The following TRIM9 variants were observed in gnomAD, a reference collection of about 807,000 sequenced individuals.
TRIM9 encodes the protein E3 ubiquitin-protein ligase TRIM9.
In TRIM9, 26 loss-of-function variants were observed where a neutral mutation model predicts 78.3. The ratio of observed to expected loss-of-function variants is 0.33; its 90% CI spans 0.24 to 0.46. The LOEUF is 0.46. TRIM9 is among the 20% of genes least tolerant of loss of function. The pLI, the probability that TRIM9 is intolerant of heterozygous loss-of-function variation, is 1.00. For missense variants in TRIM9, 787 were observed against 1,036.4 expected (o/e 0.76, Z 3.30); for synonymous variants, 398 against 416.5 (o/e 0.96, Z 0.54).
intron 1 of TRIM9, among the ~76,000 whole-genome samples, chr14:51,039,331 G>A (rs1449771220): frequency 6.6e-6 from 1 of 152,186 alleles, no homozygotes; most frequent in Non-Finnish European, 1.5e-5. Flanking sequence ...CGAAAGACTT[G>A]CATACGATGT....
chr14:51,003,882 T>C (rs1314191676), intron 5 of TRIM9, among the ~76,000 whole-genome samples: 1 of 152,218 alleles, frequency 6.6e-6, no homozygotes, highest in Non-Finnish European at 1.5e-5. Context: ...GTGCCAAAAT[T>C]ACAGCCTCAT....
At chr14:50,997,438 C>T in intron 7 of TRIM9, 1 of 985,496 alleles carries the variant, frequency 1.0e-6, no homozygotes, top group Non-Finnish European at 1.2e-6. Flanking sequence ...TGGTCTCTTC[C>T]TGTTTGGTGC....
chr14:51,052,239 C>T (rs1051821679), intron 1 of TRIM9, among the ~76,000 whole-genome samples: 1 of 152,000 alleles, frequency 6.6e-6, no homozygotes, highest in Non-Finnish European at 1.5e-5. Context: ...TGGGGGAAAA[C>T]GACCTATAAA....
chr14:51,069,142 TG>T (rs2061996745), intron 1 of TRIM9, among the ~76,000 whole-genome samples: 4 of 152,198 alleles, frequency 2.6e-5, no homozygotes. Context: ...GGAATCAGTC[TG>T]AGAGAGTTGG....
intron 3 of TRIM9, among the ~76,000 whole-genome samples, chr14:51,010,960 T>C (rs182545380): frequency 7.6e-4 from 115 of 152,304 alleles, no homozygotes; most frequent in African/African-American, 2.7e-3. Context: ...CTGAACCCAG[T>C]TCCTTTCCCT....
chr14:51,079,265 A>G (rs1453541933), intron 1 of TRIM9, among the ~76,000 whole-genome samples: 1 of 152,210 alleles, frequency 6.6e-6, no homozygotes, highest in Non-Finnish European at 1.5e-5. Context: ...CACTCAGAAG[A>G]GAATAATTGG....
rs185897102 is a variant in TRIM9 at position 51,071,513 on chromosome 14, G to A, written c.822+22605C>T. Among the ~76,000 whole-genome samples the A allele has an allele frequency of 9.0e-4, 137 of 152,180 alleles. No individual in the cohort carries two copies. In the Middle Eastern group the frequency reaches 0.024, roughly 26 times the overall value. On this transcript the variant is annotated intron_variant, in intron 1 of 12. Transcript: ENST00000684578. Reference sequence around the variant, plus strand: ...CAGTGTGCTGTGATAAAAATTCTGAGCTGCAGCTGGGTATGGTGGTTTACA... The same window carrying A: ...CAGTGTGCTGTGATAAAAATTCTGAACTGCAGCTGGGTATGGTGGTTTACA...
chr14:50,997,022 C>A (rs1375894067), intron 7 of TRIM9: 1 of 985,364 alleles, frequency 1.0e-6, no homozygotes, highest in Non-Finnish European at 1.2e-6. Context: ...CACCATAGTT[C>A]TTTTAGCTAA....
chr14:51,094,262 G>A lies in TRIM9; in HGVS notation c.678C>T (p.Val226=). 6.2e-7 allele frequency: 1 copy of A among 1,614,208 alleles called. No homozygotes were observed. Among genetic ancestry groups the A allele is most frequent in the Non-Finnish European group, 8.5e-7 (1 of 1,180,036 alleles). ...RVSRRLSPRK[V]STCTDHELEN... Reference sequence around the variant, plus strand: ...CCAGCTCGTGGTCTGTGCAGGTGGAGACCTTGCGTGGGCTCAGCCTCCGGC... The same window carrying A: ...CCAGCTCGTGGTCTGTGCAGGTGGAAACCTTGCGTGGGCTCAGCCTCCGGC... Residue 226 remains valine, a synonymous_variant, in exon 1 of 13, where the codon GTC becomes GTT. Transcript: ENST00000684578.
At chr14:51,008,998 G>A (rs2139619250) in intron 5 of TRIM9, 82 bp downstream of exon 5, 2 of 1,415,964 alleles carry the variant, frequency 1.4e-6, no homozygotes, top group East Asian at 4.6e-5. Context: ...TGTTACATTA[G>A]CCAAAGGGGT....
chr14:51,008,223 T>C (rs77425813), intron 5 of TRIM9, among the ~76,000 whole-genome samples: 7,042 of 152,236 alleles, frequency 0.046, 199 homozygotes, highest in Middle Eastern at 0.12. Context: ...GTGGTGATTA[T>C]AGGAATCTGT....
At chr14:51,061,881 G>A (rs1299039977) in intron 1 of TRIM9, among the ~76,000 whole-genome samples, 1 of 152,072 alleles carries the variant, frequency 6.6e-6, no homozygotes, top group Admixed American at 6.5e-5. Flanking sequence ...TATTTCTTCT[G>A]TCTTATATCC....
At chr14:51,019,019 T>C (rs2057491797) in intron 3 of TRIM9, among the ~76,000 whole-genome samples, 2 of 152,246 alleles carry the variant, frequency 1.3e-5, no homozygotes, top group East Asian at 1.9e-4. Context: ...TTTGGGCTTA[T>C]CAAGAGAAAG....
At chr14:50,987,564 A>T (rs1347320249) in intron 7 of TRIM9, among the ~76,000 whole-genome samples, 1 of 152,180 alleles carries the variant, frequency 6.6e-6, no homozygotes, top group Non-Finnish European at 1.5e-5. Context: ...TCTCCTACCT[A>T]AACTTCATAT....
At chr14:51,062,843 G>A (rs1427915877) in intron 1 of TRIM9, among the ~76,000 whole-genome samples, 3 of 152,192 alleles carry the variant, frequency 2.0e-5, no homozygotes, top group Non-Finnish European at 4.4e-5. Context: ...ATCTGCATCT[G>A]CCAAGTGAAG....
At chr14:51,086,181 G>C (rs2063735128) in intron 1 of TRIM9, among the ~76,000 whole-genome samples, 1 of 152,100 alleles carries the variant, frequency 6.6e-6, no homozygotes, top group South Asian at 2.1e-4. Context: ...ATGCTTCCTG[G>C]GCTTATCAGA....
intron 2 of TRIM9, among the ~76,000 whole-genome samples, chr14:51,024,544 G>T (rs769182106): frequency 6.6e-6 from 1 of 152,190 alleles, no homozygotes; most frequent in Non-Finnish European, 1.5e-5. Context: ...ATGCTAAACA[G>T]TACAGAAGGT....
At chr14:50,990,154 A>G (rs1467542612) in intron 7 of TRIM9, among the ~76,000 whole-genome samples, 1 of 152,150 alleles carries the variant, frequency 6.6e-6, no homozygotes, top group Non-Finnish European at 1.5e-5. Flanking sequence ...AGTAGCTGGA[A>G]CTACAGGTGC....
chr14:51,080,537 A>T (rs1431272189), intron 1 of TRIM9, among the ~76,000 whole-genome samples: 2 of 136,198 alleles, frequency 1.5e-5, no homozygotes, highest in East Asian at 1.9e-4. Context: ...TGTAAATAAT[A>T]AAAAAAAGGG....
Sources: gnomAD v4.1 joint callset for allele counts (sites outside exome capture counted in the v4.1 genomes callset) on GRCh38, gnomAD v4.1.1 for gene constraint, MANE v1.5 for transcripts, NCBI Gene and HGNC (gene_info 2026-07-23, HGNC 2026-07-21) for gene names.